SENP2: variants seen among roughly 807,000 people sequenced by gnomAD.
SENP2 encodes the protein sentrin-specific protease 2.
SENP2 carries 16 observed loss-of-function variants against 86.3 expected under a neutral mutation model. That is an observed-to-expected ratio of 0.19 (90% CI 0.13 to 0.28). The LOEUF is 0.28. Ranked by LOEUF, SENP2 falls within the 10% of genes least tolerant of loss-of-function variation. The pLI is 1.00. For synonymous variants in SENP2, 222 were observed against 238.7 expected (o/e 0.93, Z 0.64); for missense variants, 552 against 703.0 (o/e 0.79, Z 2.43).
At chr3:185,588,044 C>T (rs1316072900) in intron 1 of SENP2, among the ~76,000 whole-genome samples, 1 of 130,934 alleles carries the variant, frequency 7.6e-6, no homozygotes, top group Non-Finnish European at 1.6e-5. Context: ...CGGCCACTAC[C>T]GGCTAATTTT....
At chr3:185,621,932 C>A (rs369774061) in intron 14 of SENP2, 27 bp downstream of exon 14, 5 of 1,462,334 alleles carry the variant, frequency 3.4e-6, no homozygotes, top group Non-Finnish European at 3.8e-6. Flanking sequence ...AACCTCACTA[C>A]CCCCTGTTGA....
intron 1 of SENP2, among the ~76,000 whole-genome samples, chr3:185,587,546 T>C (rs1479328950): frequency 6.7e-6 from 1 of 149,968 alleles, no homozygotes; most frequent in Non-Finnish European, 1.5e-5. Flanking sequence ...ATGCCCCCTC[T>C]TCAACTTTAG....
Position 185,619,403 on chromosome 3 carries a change from G to T in SENP2, c.1347G>T (p.Gly449=). The change falls in exon 13 of 17, where the codon GGG becomes GGT. Residue 449 remains glycine, a synonymous_variant. Transcript: ENST00000296257. ...STFFYPKLKS[G]GYQAVKRWTK... ...TCTTCTATCCTAAATTAAAGTCTGG[G>T]GGTTACCAAGCAGTGAAACGATGGA... 1 of 1,613,962 alleles carries T rather than the reference G, an allele frequency of 6.2e-7. No individual in the cohort carries two copies. Among genetic ancestry groups the T allele is most frequent in the East Asian group, 2.2e-5 (1 of 44,866 alleles).
chr3:185,618,738 G>A (rs1312307873), intron 12 of SENP2, among the ~76,000 whole-genome samples: 1 of 151,942 alleles, frequency 6.6e-6, no homozygotes, highest in Admixed American at 6.6e-5. Context: ...AATTAGCCAG[G>A]CATGGTGGCG....
intron 1 of SENP2, among the ~76,000 whole-genome samples, chr3:185,587,155 C>T (rs1210203859): frequency 6.6e-6 from 1 of 152,130 alleles, no homozygotes; most frequent in African/African-American, 2.4e-5. Context: ...TTGGTTGAGA[C>T]GGAGTCTTGC....
chr3:185,601,066 T>C (rs76990827), intron 5 of SENP2, among the ~76,000 whole-genome samples: 12,479 of 130,472 alleles, frequency 0.096, 868 homozygotes, highest in South Asian at 0.36. Context: ...TTTTTTGCGA[T>C]GGAGTTTTGC....
intron 2 of SENP2, among the ~76,000 whole-genome samples, chr3:185,592,961 G>T (rs544746621): frequency 2.2e-4 from 34 of 152,120 alleles, no homozygotes; most frequent in African/African-American, 7.2e-4. Flanking sequence ...ATGGTAGGGG[G>T]TATAAGACAA....
At chr3:185,596,457 A>G (rs1390696992) in intron 2 of SENP2, among the ~76,000 whole-genome samples, 1 of 151,998 alleles carries the variant, frequency 6.6e-6, no homozygotes, top group East Asian at 1.9e-4. Flanking sequence ...TGCCTCTACC[A>G]AAAAATCAAA....
intron 7 of SENP2, 38 bp from the exon 8 acceptor site, chr3:185,611,613 T>C: frequency 1.4e-6 from 2 of 1,433,054 alleles, no homozygotes; most frequent in Non-Finnish European, 2.0e-6. Context: ...TAGACTTTGC[T>C]TTTGTATCTG....
intron 2 of SENP2, among the ~76,000 whole-genome samples, chr3:185,595,550 G>A (rs1722148714): frequency 6.6e-6 from 1 of 152,080 alleles, no homozygotes; most frequent in South Asian, 2.1e-4. Context: ...TACATGTTCT[G>A]GAGCACTGCT....
At chr3:185,617,053 C>A (rs1711641706) in intron 11 of SENP2, among the ~76,000 whole-genome samples, 1 of 152,116 alleles carries the variant, frequency 6.6e-6, no homozygotes, top group Non-Finnish European at 1.5e-5. Context: ...AAAATTGAGA[C>A]TATACTTTAG....
At chr3:185,611,544 T>C in intron 7 of SENP2, 107 bp from the exon 8 acceptor site, 1 of 633,520 alleles carries the variant, frequency 1.6e-6, no homozygotes, top group Non-Finnish European at 2.8e-6. Context: ...GATATAATAG[T>C]GTAATCAATC....
rs1560200606 is a variant in SENP2, at chr3:185,621,370, CGTTTTTCTT to C, written c.1447-455_1447-447del. ...TACATGTACCAATATAAGTGGATAT[CGTTTTTCTT>C]TTTTTTCTTTTTTTTTTTTTTTTTT... On this transcript the variant is annotated intron_variant, in intron 13 of 16. Coordinates refer to ENST00000296257, the MANE Select transcript of SENP2 (RefSeq NM_021627.3). 3.7e-5 allele frequency among the ~76,000 whole-genome samples: 5 copies of C among 134,938 alleles called. No homozygotes were observed. In the East Asian group the frequency reaches 1.1e-3, roughly 29 times the overall value. 88.5% of individuals were successfully genotyped at this position (134,938 alleles called of 152,430 possible).
intron 1 of SENP2, among the ~76,000 whole-genome samples, chr3:185,588,975 T>A (rs1394917593): frequency 6.6e-6 from 1 of 152,178 alleles, no homozygotes; most frequent in African/African-American, 2.4e-5. Context: ...ACAACACTTC[T>A]CAGTGTAAAC....
chr3:185,603,633 C>T (rs1722418927), intron 5 of SENP2, among the ~76,000 whole-genome samples: 1 of 152,156 alleles, frequency 6.6e-6, no homozygotes, highest in Admixed American at 6.5e-5. Context: ...CTACATATTA[C>T]ATTGTACTAT....
intron 16 of SENP2, among the ~76,000 whole-genome samples, chr3:185,628,926 C>A (rs35853080): frequency 0.37 from 56,110 of 152,036 alleles, 10,627 homozygotes; most frequent in South Asian, 0.52. Flanking sequence ...AAAGCAGAAT[C>A]ATTTATTAAG....
intron 6 of SENP2, among the ~76,000 whole-genome samples, chr3:185,607,579 C>T (rs1324453047): frequency 1.3e-5 from 2 of 152,120 alleles, no homozygotes; most frequent in African/African-American, 4.8e-5. Context: ...ATCCACCTAC[C>T]TCAGCCTCCC....
intron 4 of SENP2, among the ~76,000 whole-genome samples, chr3:185,599,348 A>G (rs1160891195): frequency 6.6e-6 from 1 of 152,214 alleles, no homozygotes; most frequent in Non-Finnish European, 1.5e-5. Flanking sequence ...GTTATCAAGA[A>G]TAACAAAATA....
At chr3:185,620,186 C>A (rs1254942497) in intron 13 of SENP2, among the ~76,000 whole-genome samples, 1 of 151,872 alleles carries the variant, frequency 6.6e-6, no homozygotes, top group Non-Finnish European at 1.5e-5. Flanking sequence ...CTTTAGCCTC[C>A]CAGGTAGCTG....
Sources: gnomAD v4.1 joint callset for allele counts (sites outside exome capture counted in the v4.1 genomes callset) on GRCh38, gnomAD v4.1.1 for gene constraint, MANE v1.5 for transcripts, NCBI Gene and HGNC (gene_info 2026-07-23, HGNC 2026-07-21) for gene names.